The following STIM2 variants were observed in gnomAD, a reference collection of about 807,000 sequenced individuals.
STIM2 encodes stromal interaction molecule 2.
In STIM2, 31 loss-of-function variants were observed where a neutral mutation model predicts 85.8. The observed-to-expected ratio is 0.36, with a 90% CI of 0.27 to 0.49. The LOEUF (loss-of-function observed/expected upper bound fraction) is 0.49. Among genes scored for constraint, STIM2 ranks in the 20% least tolerant of loss-of-function variants. The pLI is 0.98. For synonymous variants in STIM2, 356 were observed against 331.1 expected (o/e 1.08, Z -0.82); for missense variants, 841 against 927.6 (o/e 0.91, Z 1.21).
intron 1 of STIM2, among the ~76,000 whole-genome samples, chr4:26,904,008 C>T (rs556170375): frequency 3.3e-5 from 5 of 151,624 alleles, no homozygotes; most frequent in East Asian, 3.9e-4. Flanking sequence ...AGGTTAGTTA[C>T]GTATGTATAC....
chr4:26,941,309 A>G (rs1247734552), intron 2 of STIM2, among the ~76,000 whole-genome samples: 1 of 151,936 alleles, frequency 6.6e-6, no homozygotes, highest in Non-Finnish European at 1.5e-5. Context: ...TTCTTCTATC[A>G]TCCTTCTTCC....
chr4:26,885,974 A>G (rs1439112525), intron 1 of STIM2, among the ~76,000 whole-genome samples: 1 of 150,976 alleles, frequency 6.6e-6, no homozygotes, highest in East Asian at 1.9e-4. Flanking sequence ...CTTATTTTAA[A>G]TCTGATTTTT....
chr4:26,976,732 A>T (rs1727215179), intron 3 of STIM2, among the ~76,000 whole-genome samples: 2 of 151,652 alleles, frequency 1.3e-5, no homozygotes, highest in African/African-American at 4.9e-5. Flanking sequence ...TCAACCTGGG[A>T]TGCATAGGTT....
chr4:26,861,598 C>T, intron 1 of STIM2: 1 of 491,924 alleles, frequency 2.0e-6, no homozygotes, highest in Non-Finnish European at 3.1e-6. Context: ...GATTCCCCTC[C>T]CTTCAGTCGG....
chr4:26,998,302 G>A lies in STIM2; in HGVS notation c.510-930G>A, dbSNP rs139189890. On this transcript the variant is annotated intron_variant, in intron 4 of 11. Coordinates refer to ENST00000467087, the MANE Select transcript of STIM2 (RefSeq NM_020860.4). ...TCCTTATTTTACCTGTGCCTCCTAC[G>A]TGCTTTCTTCATAGCTAATAAAATG... 6.4e-3 allele frequency among the ~76,000 whole-genome samples: 974 copies of A among 152,072 alleles called. 7 individuals carry two copies. The highest frequency in any genetic ancestry group is 0.013 in the Admixed American group (200 of 15,284).
intron 7 of STIM2, among the ~76,000 whole-genome samples, chr4:27,004,645 A>G (rs1728273244): frequency 6.6e-6 from 1 of 152,204 alleles, no homozygotes; most frequent in African/African-American, 2.4e-5. Context: ...AGAATTGTGG[A>G]CATTCTAACT....
intron 3 of STIM2, among the ~76,000 whole-genome samples, chr4:26,961,578 A>G (rs545630158): frequency 3.9e-5 from 6 of 152,290 alleles, no homozygotes; most frequent in Non-Finnish European, 8.8e-5. Context: ...TAGGAAAGAC[A>G]AAGAAAACAA....
At chr4:26,928,834 G>A (rs891785303) in intron 2 of STIM2, among the ~76,000 whole-genome samples, 88 of 152,232 alleles carry the variant, frequency 5.8e-4, no homozygotes, top group African/African-American at 2.0e-3. Flanking sequence ...ATAAAACTTA[G>A]GCTTAAAAAG....
intron 1 of STIM2, among the ~76,000 whole-genome samples, chr4:26,867,105 G>A (rs977761619): frequency 6.6e-6 from 1 of 152,134 alleles, no homozygotes; most frequent in Non-Finnish European, 1.5e-5. Flanking sequence ...TTCTAATTAT[G>A]GAGTGGCTAT....
rs529004617 is a variant in STIM2, at chr4:26,990,094, G to GA, written c.398-5276dup. ...ACCAATTATATCCTTCACAGAAATA[G>GA]AAAAAAAAATCCTAAAATTTGTATG... On this transcript the variant is annotated intron_variant, in intron 3 of 11. Transcript: ENST00000467087. Among the ~76,000 whole-genome samples, 860 of 150,636 alleles carry GA rather than the reference G, an allele frequency of 5.7e-3. 10 individuals are homozygous for GA. The highest frequency in any genetic ancestry group is 0.02 in the African/African-American group (812 of 41,054).
At chr4:26,961,908 C>T (rs1214871018) in intron 3 of STIM2, among the ~76,000 whole-genome samples, 4 of 152,092 alleles carry the variant, frequency 2.6e-5, no homozygotes, top group African/African-American at 9.7e-5. Flanking sequence ...TATACCACCA[C>T]GACTGGCTTA....
chr4:26,978,222 T>C (rs1727268505), intron 3 of STIM2, among the ~76,000 whole-genome samples: 2 of 149,458 alleles, frequency 1.3e-5, no homozygotes, highest in South Asian at 4.2e-4. Flanking sequence ...TGATAGGAGA[T>C]TTTAATCATA....
intron 3 of STIM2, among the ~76,000 whole-genome samples, chr4:26,989,879 A>G (rs1727704586): frequency 6.6e-6 from 1 of 152,182 alleles, no homozygotes. Context: ...ACCAAAAAAT[A>G]TACCTAGAAA....
At chr4:26,914,369 A>G (rs1432744963) in intron 1 of STIM2, among the ~76,000 whole-genome samples, 1 of 152,172 alleles carries the variant, frequency 6.6e-6, no homozygotes, top group South Asian at 2.1e-4. Context: ...GTTCTTGCCT[A>G]TCCCTGTCTT....
rs115134662 is a variant in STIM2 at position 26,882,700 on chromosome 4, A to C, written c.151+21331A>C. On this transcript the variant is annotated intron_variant, in intron 1 of 11. Transcript: ENST00000467087. The stretch of plus-strand genomic sequence containing the variant: ...TGGTCTTGAACTCCCAGGCTCAAGC[A>C]GTCCTTCTGCCTTGACCTCCCAAAG... 8.9e-3 allele frequency among the ~76,000 whole-genome samples: 1,349 copies of C among 152,148 alleles called. 28 individuals carry two copies. Among genetic ancestry groups the C allele is most frequent in the African/African-American group, 0.031 (1,292 of 41,520 alleles).
intron 2 of STIM2, among the ~76,000 whole-genome samples, chr4:26,954,175 T>TA (rs1726157124): frequency 6.6e-6 from 1 of 152,148 alleles, no homozygotes; most frequent in Non-Finnish European, 1.5e-5. Context: ...ACATTTAAGT[T>TA]ACAGGTATGA....
intron 2 of STIM2, among the ~76,000 whole-genome samples, chr4:26,945,812 T>C (rs1470550215): frequency 6.6e-6 from 1 of 152,156 alleles, no homozygotes; most frequent in East Asian, 1.9e-4. Context: ...TCTCATAAAT[T>C]TAAGTTGTAT....
intron 3 of STIM2, among the ~76,000 whole-genome samples, chr4:26,962,604 GTGTGTC>G (rs35095687): frequency 0.26 from 39,023 of 148,404 alleles, 4,840 homozygotes; most frequent in East Asian, 0.36. Flanking sequence ...GTGTGTGTAT[GTGTGTC>G]TGTGTCTGTG....
chr4:26,986,816 A>C (rs1727601434), intron 3 of STIM2, among the ~76,000 whole-genome samples: 1 of 152,252 alleles, frequency 6.6e-6, no homozygotes, highest in Admixed American at 6.5e-5. Flanking sequence ...TAAAAACAAA[A>C]CAAAACAAGT....
Sources: allele counts gnomAD v4.1 joint callset (sites outside exome capture counted in the v4.1 genomes callset), GRCh38; gene constraint gnomAD v4.1.1; transcripts MANE v1.5; gene names NCBI Gene and HGNC (gene_info 2026-07-23, HGNC 2026-07-21).